The following LRMDA variants were observed in gnomAD, a reference collection of about 807,000 sequenced individuals.
LRMDA encodes the protein leucine-rich melanocyte differentiation-associated protein.
LRMDA carries 18 observed loss-of-function variants against 29.8 expected under a neutral mutation model. The observed-to-expected ratio is 0.60, with a 90% CI of 0.42 to 0.90. LRMDA has a LOEUF of 0.90. LRMDA is among the 40% of genes least tolerant of loss of function. The probability of loss-of-function intolerance (pLI) is 0.00; values close to 1 mark genes in which losing one functional copy is unlikely to be tolerated. For missense variants in LRMDA, 273 were observed against 273.9 expected, an observed-to-expected ratio of 1.00 and a Z score of 0.02; for synonymous variants, 125 against 109.4, an observed-to-expected ratio of 1.14 and a Z score of -0.89.
intron 2 of LRMDA, among the ~76,000 whole-genome samples, chr10:75,578,990 A>G (rs1399386652): frequency 5.3e-5 from 8 of 152,226 alleles, no homozygotes; most frequent in Non-Finnish European, 7.3e-5. Flanking sequence ...ACACCCTAAC[A>G]TGACAATTCA....
At chr10:75,904,985 GGA>G (rs1845734677) in intron 2 of LRMDA, among the ~76,000 whole-genome samples, 1 of 152,152 alleles carries the variant, frequency 6.6e-6, no homozygotes, top group African/African-American at 2.4e-5. Flanking sequence ...TGGAAGGAGG[GGA>G]GAGAGGGGGA....
intron 2 of LRMDA, among the ~76,000 whole-genome samples, chr10:75,548,628 A>G (rs59438757): frequency 0.028 from 4,287 of 152,240 alleles, 225 homozygotes; most frequent in African/African-American, 0.098. Context: ...TTCTTAAGCA[A>G]AACAACTCAG....
At chr10:75,577,322 A>T in intron 2 of LRMDA, among the ~76,000 whole-genome samples, 1 of 152,184 alleles carries the variant, frequency 6.6e-6, no homozygotes, top group South Asian at 2.1e-4. Context: ...AAATAAAGTG[A>T]GAAGACAAGA....
intron 6 of LRMDA, among the ~76,000 whole-genome samples, chr10:76,392,478 T>G (rs1040442460): frequency 6.6e-6 from 1 of 152,108 alleles, no homozygotes; most frequent in African/African-American, 2.4e-5. Context: ...TCACATTTTT[T>G]GGGATTTTAG....
At chr10:76,416,408 C>G (rs1385092293) in intron 6 of LRMDA, among the ~76,000 whole-genome samples, 1 of 152,220 alleles carries the variant, frequency 6.6e-6, no homozygotes, top group Non-Finnish European at 1.5e-5. Context: ...CGGCCTCGGA[C>G]AGGCCATCTA....
chr10:75,578,214 G>GAAAAAAAAA (rs1589191365), intron 2 of LRMDA, among the ~76,000 whole-genome samples: 1 of 8,344 alleles, frequency 1.2e-4, no homozygotes, highest in East Asian at 3.4e-3. Context: ...CAAATGGAAA[G>GAAAAAAAAA]CAAAAAAAAA....
chr10:75,919,744 A>G (rs1845996727), intron 2 of LRMDA, among the ~76,000 whole-genome samples: 2 of 152,076 alleles, frequency 1.3e-5, no homozygotes, highest in Non-Finnish European at 2.9e-5. Flanking sequence ...GCTTTTATGG[A>G]GATGTCTGCC....
chr10:76,325,395 G>T (rs927448406), intron 6 of LRMDA, among the ~76,000 whole-genome samples: 1 of 152,162 alleles, frequency 6.6e-6, no homozygotes, highest in African/African-American at 2.4e-5. Context: ...GGCATCAATA[G>T]AACTTTTCTA....
intron 2 of LRMDA, among the ~76,000 whole-genome samples, chr10:75,449,315 C>G (rs1321178562): frequency 6.6e-6 from 1 of 152,130 alleles, no homozygotes; most frequent in Admixed American, 6.5e-5. Flanking sequence ...ACAGATGAAG[C>G]AACTGAGGCC....
intron 2 of LRMDA, among the ~76,000 whole-genome samples, chr10:75,639,995 A>G (rs1841433165): frequency 6.6e-6 from 1 of 152,244 alleles, no homozygotes; most frequent in African/African-American, 2.4e-5. Context: ...ATAACCCTCC[A>G]TAACTTGTGC....
intron 5 of LRMDA, among the ~76,000 whole-genome samples, chr10:76,164,151 G>A (rs1850694765): frequency 6.6e-6 from 1 of 152,016 alleles, no homozygotes; most frequent in Non-Finnish European, 1.5e-5. Flanking sequence ...AGAAATCAGA[G>A]GTAAGGAATT....
At chr10:76,552,589 G>A (rs1843509304) in intron 6 of LRMDA, among the ~76,000 whole-genome samples, 1 of 152,186 alleles carries the variant, frequency 6.6e-6, no homozygotes, top group Admixed American at 6.5e-5. Flanking sequence ...ACCTATTTCA[G>A]AGCTAAAATG....
intron 2 of LRMDA, among the ~76,000 whole-genome samples, chr10:75,945,092 A>G (rs1487185275): frequency 2.0e-5 from 3 of 152,154 alleles, no homozygotes; most frequent in Non-Finnish European, 4.4e-5. Flanking sequence ...AATACATTGT[A>G]TAGACACTGA....
intron 5 of LRMDA, among the ~76,000 whole-genome samples, chr10:76,080,533 A>C (rs533753827): frequency 6.6e-6 from 1 of 152,354 alleles, no homozygotes; most frequent in South Asian, 2.1e-4. Context: ...TGTATGAGAC[A>C]GTGGCCAGCC....
At chr10:76,410,398 T>A (rs1429121827) in intron 6 of LRMDA, among the ~76,000 whole-genome samples, 1 of 134,704 alleles carries the variant, frequency 7.4e-6, no homozygotes, top group Non-Finnish European at 1.5e-5. Flanking sequence ...AGTATCAACC[T>A]CTTGGTCTCA....
intron 2 of LRMDA, among the ~76,000 whole-genome samples, chr10:76,016,595 A>G (rs1385465030): frequency 6.6e-6 from 1 of 152,188 alleles, no homozygotes; most frequent in Non-Finnish European, 1.5e-5. Context: ...GGAAAAAGGA[A>G]CACACCTTTA....
At chr10:75,592,980 C>T (rs1366948697) in intron 2 of LRMDA, among the ~76,000 whole-genome samples, 2 of 152,234 alleles carry the variant, frequency 1.3e-5, no homozygotes, top group Admixed American at 1.3e-4. Context: ...TGGTTTCCTT[C>T]CATAATCATC....
chr10:75,618,822 G>A (rs190189559), intron 2 of LRMDA, among the ~76,000 whole-genome samples: 61 of 148,522 alleles, frequency 4.1e-4, no homozygotes, highest in African/African-American at 1.1e-3. Flanking sequence ...TGTTGCCCTG[G>A]CTGGAGTGCA....
chr10:76,164,864 T>C (rs1850711158), intron 5 of LRMDA, among the ~76,000 whole-genome samples: 1 of 152,242 alleles, frequency 6.6e-6, no homozygotes, highest in Admixed American at 6.5e-5. Flanking sequence ...GGCTCTATCA[T>C]TTTATGAGTT....
Sources: gnomAD v4.1 joint callset for allele counts (sites outside exome capture counted in the v4.1 genomes callset) on GRCh38, gnomAD v4.1.1 for gene constraint, MANE v1.5 for transcripts, NCBI Gene and HGNC (gene_info 2026-07-23, HGNC 2026-07-21) for gene names.